POU4F1: variants seen among roughly 807,000 people sequenced by gnomAD.
POU4F1 encodes POU class 4 homeobox 1.
POU4F1 carries 5 observed loss-of-function variants against 19.8 expected under a neutral mutation model. The ratio of observed to expected loss-of-function variants is 0.25; its 90% CI spans 0.13 to 0.53. The LOEUF (loss-of-function observed/expected upper bound fraction) is 0.53. Ranked by LOEUF, POU4F1 falls within the 20% of genes least tolerant of loss-of-function variation. POU4F1 has a pLI of 0.96. For synonymous variants in POU4F1, 266 were observed against 247.7 expected (o/e 1.07, Z -0.69); for missense variants, 408 against 511.6 (o/e 0.80, Z 1.95).
intron 1 of POU4F1, 77 bp downstream of exon 1, chr13:78,603,127 C>G: frequency 8.4e-7 from 1 of 1,189,202 alleles, no homozygotes. Context: ...CTGCACACAC[C>G]AGCCCCCGAC....
rs760276098 is a variant in POU4F1 at position 78,601,642 on chromosome 13, T to G, written c.1033A>C (p.Asn345His). ...EAEGAQREKM[N>H]KPELFNGGEK... is the part of the protein sequence containing the mutation. ...CCGCCGTTGAAGAGCTCAGGCTTGT[T>G]CATTTTCTCGCGCTGGGCGCCCTCG... is the stretch of plus-strand genomic sequence containing the variant. The change falls in exon 2 of 2, where the codon AAC becomes CAC. Residue 345 changes from asparagine to histidine, a missense_variant. Coordinates refer to ENST00000377208, the MANE Select transcript of POU4F1 (RefSeq NM_006237.4). The G allele has an allele frequency of 6.2e-7, 1 of 1,613,854 alleles. No homozygotes were observed. Among genetic ancestry groups the G allele is most frequent in the Non-Finnish European group, 8.5e-7 (1 of 1,179,968 alleles).
Position 78,601,431 on chromosome 13 carries a change from A to G in POU4F1, c.1244T>C (p.Phe415Ser). 1 of 1,613,492 alleles carries G rather than the reference A, an allele frequency of 6.2e-7. No individual in the cohort carries two copies. The highest frequency in any genetic ancestry group is 8.5e-7 in the Non-Finnish European group (1 of 1,179,988). The stretch of plus-strand genomic sequence containing the variant: ...CCAGCCCCCTCAGTAAGTGGCAGAG[A>G]ATTTCATCCGCTTCTGCTTCTGTCT... ...NQRQKQKRMK[F>S]SATY is the part of the protein sequence containing the mutation. The change falls in exon 2 of 2, where the codon TTC becomes TCC. Residue 415 changes from phenylalanine (F) to serine (S), a missense_variant. By Grantham distance (155) the Phe-to-Ser change is radical. Around this residue, in one of 4 missense-constraint regions of POU4F1, gnomAD observed 35 missense variants for 85.9 expected, o/e 0.41. Transcript: ENST00000377208.
Position 78,602,173 on chromosome 13 carries a change from CGCCGCCTCCCCCGGG to C in POU4F1, c.487_501del (p.Pro163_Gly167del). The C allele has an allele frequency of 8.7e-6, 1 of 114,628 alleles. No homozygotes were observed. Among genetic ancestry groups the C allele is most frequent in the Non-Finnish European group, 1.4e-5 (1 of 69,552 alleles). 7.1% of individuals were successfully genotyped at this position (114,628 alleles called of 1,614,324 possible). A position where few individuals can be genotyped will look rare whatever the true frequency, so the allele number is the denominator to read the frequency against. On this transcript the variant is annotated inframe_deletion, in exon 2 of 2. Transcript: ENST00000377208. Reference sequence around the variant, plus strand: ...CCGCCGCCGCCCCCCGGGCCGCCACCGCCGCCTCCCCCGGGGCCGCCGCCCGGGCCGCCGCCGCCG... The same window carrying C: ...CCGCCGCCGCCCCCCGGGCCGCCACCGCCGCCGCCCGGGCCGCCGCCGCCG...
chr13:78,601,150 C>T lies in POU4F1; in HGVS notation c.*265G>A, dbSNP rs573352492. The T allele has an allele frequency of 5.1e-5, 15 of 296,626 alleles. No individual in the cohort carries two copies. The Admixed American group carries it at 7.2e-4, about 14-fold the overall frequency. The allele number at this position is 296,626 out of a possible 1,614,324, so 18.4% of individuals were successfully genotyped here. On this transcript the variant is annotated 3_prime_UTR_variant, in exon 2 of 2. Coordinates refer to ENST00000377208, the MANE Select transcript of POU4F1 (RefSeq NM_006237.4). ...CTCGGGTCTCCGCTTTCCTTCCCCC[C>T]ACTCCCCACTCCCCCGAATGCTCCC... is the stretch of plus-strand genomic sequence containing the variant.
At position 78,598,878 on chromosome 13, in the gene POU4F1, A is replaced by C. The variant is rs1334598285; in HGVS notation, c.*2537T>G. 6.6e-6 allele frequency: 1 copy of C among 152,180 alleles called. No homozygotes were observed. The highest frequency in any genetic ancestry group is 1.5e-5 in the Non-Finnish European group (1 of 68,020). The allele number at this position is 152,180 out of a possible 1,614,324, so 9.4% of individuals were successfully genotyped here. ...TATTTATTGGTTTTCACCACTCTGG[A>C]TCAAGTGCTGTGGTTTAAGAGTTTC... On this transcript the variant is annotated 3_prime_UTR_variant, in exon 2 of 2. Transcript: ENST00000377208.
At chr13:78,603,178 CG>C in intron 1 of POU4F1, 25 bp downstream of exon 1, 2 of 1,389,234 alleles carry the variant, frequency 1.4e-6, no homozygotes, top group Non-Finnish European at 9.4e-7. Flanking sequence ...GCGCGCGGGC[CG>C]GGGCCGCGGG....
chr13:78,602,061 G>A lies in POU4F1; in HGVS notation c.614C>T (p.Ala205Val), dbSNP rs1327785720. ...SLGHLSHPAA[A>V]AAMNMPSGLP... ...CCCGGACGGCATGTTCATGGCGGCC[G>A]CCGCCGCGGGGTGCGACAGGTGGCC... Residue 205 changes from alanine (A) to valine (V), a missense_variant, in exon 2 of 2, where the codon GCG (alanine) becomes GTG (valine). By Grantham distance (64) the Ala-to-Val change is moderately conservative. This residue lies in a region of POU4F1 where 294 missense variants were observed against 288.2 expected (regional missense o/e 1.02). Coordinates refer to ENST00000377208, the MANE Select transcript of POU4F1 (RefSeq NM_006237.4). 7.0e-6 allele frequency: 3 copies of A among 429,386 alleles called. No homozygotes were observed. Among genetic ancestry groups the A allele is most frequent in the South Asian group, 8.8e-5 (1 of 11,352 alleles). 26.6% of individuals were successfully genotyped at this position (429,386 alleles called of 1,614,324 possible).
chr13:78,602,695 C>T lies in POU4F1; in HGVS notation c.124-144G>A, dbSNP rs1423804266. The T allele has an allele frequency of 7.1e-5, 67 of 939,884 alleles. No individual in the cohort carries two copies. The East Asian group carries it at 2.2e-3, about 31-fold the overall frequency. The allele number at this position is 939,884 out of a possible 1,614,324, so 58.2% of individuals were successfully genotyped here. On this transcript the variant is annotated intron_variant, in intron 1 of 1. Transcript: ENST00000377208. ...ACCAAAATAACAACGGGTTTGGGGG[C>T]AGTGGAGAGCGGGAAAGACGGAGAG...
rs1285799868 is a variant in POU4F1, at chr13:78,602,313, G to A, written c.362C>T (p.Ser121Phe). The A allele has an allele frequency of 7.7e-7, 1 of 1,296,866 alleles. No individual in the cohort carries two copies. The highest frequency in any genetic ancestry group is 9.9e-7 in the Non-Finnish European group (1 of 1,014,848). The allele number at this position is 1,296,866 out of a possible 1,614,324, so 80.3% of individuals were successfully genotyped here. A position where few individuals can be genotyped will look rare whatever the true frequency, so the allele number is the denominator to read the frequency against. The change falls in exon 2 of 2, where the codon TCC becomes TTC. Residue 121 changes from serine (S) to phenylalanine (F), a missense_variant. By Grantham distance (155) the Ser-to-Phe change is radical. Transcript: ENST00000377208. ...LEPGDLLDHI[S>F]SPSLALMAGA... Reference sequence around the variant, plus strand: ...GGCCATGAGCGCGAGCGACGGCGAGGAGATGTGGTCCAGCAGATCGCCGGG... The same window carrying A: ...GGCCATGAGCGCGAGCGACGGCGAGAAGATGTGGTCCAGCAGATCGCCGGG...
rs1436396990 is a variant in POU4F1 at position 78,602,480 on chromosome 13, G to C, written c.195C>G (p.Asp65Glu). The change falls in exon 2 of 2, where the codon GAC becomes GAG. Residue 65 changes from aspartate to glutamate, a missense_variant. Physicochemically the swap from Asp to Glu is conservative, Grantham distance 45 (BLOSUM62 2). This residue lies in a region of POU4F1 where 294 missense variants were observed against 288.2 expected (regional missense o/e 1.02). Transcript: ENST00000377208. ...LARAEALAAV[D>E]IAVSQGKSHP... ...GGCTCTTGCCCTGGGACACGGCGATGTCCACGGCCGCCAGCGCCTCGGCCC... is the reference window on the plus strand; with the variant it reads ...GGCTCTTGCCCTGGGACACGGCGATCTCCACGGCCGCCAGCGCCTCGGCCC... 14 of 1,597,462 alleles carry C rather than the reference G, an allele frequency of 8.8e-6. No homozygotes were observed. Among genetic ancestry groups the C allele is most frequent in the African/African-American group, 1.3e-5 (1 of 74,400 alleles).
chr13:78,602,333 GC>G lies in POU4F1; in HGVS notation c.341del (p.Gly114AlafsTer95), dbSNP rs1322938009. The G allele has an allele frequency of 6.9e-7, 1 of 1,439,158 alleles. No individual in the cohort carries two copies. Among genetic ancestry groups the G allele is most frequent in the African/African-American group, 1.5e-5 (1 of 68,762 alleles). The allele number at this position is 1,439,158 out of a possible 1,614,324, so 89.1% of individuals were successfully genotyped here. On this transcript the variant is annotated frameshift_variant, in exon 2 of 2. Coordinates refer to ENST00000377208, the MANE Select transcript of POU4F1 (RefSeq NM_006237.4). LOFTEE classifies it high-confidence loss of function. The stretch of plus-strand genomic sequence containing the variant: ...GCGAGGAGATGTGGTCCAGCAGATC[GC>G]CGGGTTCGAGCGCCTGGTGGTGGTG... ...HHHHHQALEP[G>X]DLLDHISSPS...
At position 78,601,866 on chromosome 13, in the gene POU4F1, G is replaced by C. The variant is rs772053847; in HGVS notation, c.809C>G (p.Ala270Gly). The C allele has an allele frequency of 6.3e-7, 1 of 1,593,794 alleles. No individual in the cohort carries two copies. Among genetic ancestry groups the C allele is most frequent in the Non-Finnish European group, 8.5e-7 (1 of 1,174,800 alleles). ...CCGCTGCTTGAAGCGCTCCGCGAACGCCTCGAGCTCGCGCGGGTCCGTGTC... is the reference window on the plus strand; with the variant it reads ...CCGCTGCTTGAAGCGCTCCGCGAACCCCTCGAGCTCGCGCGGGTCCGTGTC... ...DSDTDPRELE[A>G]FAERFKQRRI... Residue 270 changes from alanine to glycine, a missense_variant, in exon 2 of 2, where the codon GCG becomes GGG. Ala to Gly is a moderately conservative substitution (Grantham distance 60). Transcript: ENST00000377208.
chr13:78,602,533 C>G lies in POU4F1; in HGVS notation c.142G>C (p.Ala48Pro), dbSNP rs1874754912. 5 of 1,559,064 alleles carry G rather than the reference C, an allele frequency of 3.2e-6. No individual in the cohort carries two copies. In the Admixed American group the frequency reaches 5.7e-5, roughly 18 times the overall value. Residue 48 changes from alanine to proline, a missense_variant, in exon 2 of 2, where the codon GCC becomes CCC. Ala to Pro is a conservative substitution (Grantham distance 27, BLOSUM62 -1). Transcript: ENST00000377208. ...PTPPLQSNLF[A>P]SLDETLLARA... ...GCCAGCAGCGTCTCGTCCAGGCTGG[C>G]GAAGAGGTTGCTCTGCAGCTGCAGG...
rs1204635133 is a variant in POU4F1 at position 78,598,688 on chromosome 13, T to TA, written c.*2726dup. Reference sequence around the variant, plus strand: ...AAGTCACCAAGAAATAGAGGCTCTCTAGTCACTGTGGAGCAGTAGGTGGCA... The same window carrying TA: ...AAGTCACCAAGAAATAGAGGCTCTCTAAGTCACTGTGGAGCAGTAGGTGGCA... On this transcript the variant is annotated 3_prime_UTR_variant, in exon 2 of 2. Transcript: ENST00000377208. 2 of 152,192 alleles carry TA rather than the reference T, an allele frequency of 1.3e-5. No individual in the cohort carries two copies. Among genetic ancestry groups the TA allele is most frequent in the Non-Finnish European group, 2.9e-5 (2 of 68,036 alleles). The allele number at this position is 152,192 out of a possible 1,614,324, so 9.4% of individuals were successfully genotyped here.
In POU4F1 at chr13:78,599,563, A is replaced by T. The variant is rs1392869342; in HGVS notation, c.*1852T>A. The T allele has an allele frequency of 6.6e-6, 1 of 152,648 alleles. No homozygotes were observed. Among genetic ancestry groups the T allele is most frequent in the East Asian group, 1.9e-4 (1 of 5,202 alleles). 9.5% of individuals were successfully genotyped at this position (152,648 alleles called of 1,614,324 possible). Reference sequence around the variant, plus strand: ...TTAGTGCTCAGTTTCAAATGCATAGAATGTTTGCCCTGCAAACAATGATAT... The same window carrying T: ...TTAGTGCTCAGTTTCAAATGCATAGTATGTTTGCCCTGCAAACAATGATAT... On this transcript the variant is annotated 3_prime_UTR_variant, in exon 2 of 2. Transcript: ENST00000377208.
chr13:78,601,962 C>T lies in POU4F1; in HGVS notation c.713G>A (p.Gly238Glu). Residue 238 changes from glycine to glutamate, a missense_variant, in exon 2 of 2, where the codon GGG (glycine) becomes GAG (glutamate). Coordinates refer to ENST00000377208, the MANE Select transcript of POU4F1 (RefSeq NM_006237.4). ...AAAAAAAAAA[G>E]QVAAASAAAA... Reference sequence around the variant, plus strand: ...CGCCGCCGATGCCGCTGCCACCTGCCCGGCCGCCGCCGCCGCCGCTGCCGC... The same window carrying T: ...CGCCGCCGATGCCGCTGCCACCTGCTCGGCCGCCGCCGCCGCCGCTGCCGC... 8.5e-7 allele frequency: 1 copy of T among 1,169,632 alleles called. No homozygotes were observed. The highest frequency in any genetic ancestry group is 4.7e-5 in the Admixed American group (1 of 21,348). The allele number at this position is 1,169,632 out of a possible 1,614,324, so 72.5% of individuals were successfully genotyped here.
chr13:78,599,438 T>C lies in POU4F1; in HGVS notation c.*1977A>G, dbSNP rs2137398929. ...TACAATAATCTTTTTTCCTTTTTCTTTGAATACAAGAATATGACAAAAATG... is the reference window on the plus strand; with the variant it reads ...TACAATAATCTTTTTTCCTTTTTCTCTGAATACAAGAATATGACAAAAATG... On this transcript the variant is annotated 3_prime_UTR_variant, in exon 2 of 2. Coordinates refer to ENST00000377208, the MANE Select transcript of POU4F1 (RefSeq NM_006237.4). 6.5e-6 allele frequency: 1 copy of C among 152,718 alleles called. No homozygotes were observed. Among genetic ancestry groups the C allele is most frequent in the African/African-American group, 2.4e-5 (1 of 41,560 alleles). 9.5% of individuals were successfully genotyped at this position (152,718 alleles called of 1,614,324 possible). A position where few individuals can be genotyped will look rare whatever the true frequency, so the allele number is the denominator to read the frequency against.
In POU4F1 at chr13:78,601,772, C is replaced by T; in HGVS notation, c.903G>A (p.Val301=). 1.9e-6 allele frequency: 3 copies of T among 1,613,524 alleles called. No homozygotes were observed. The highest frequency in any genetic ancestry group is 2.5e-6 in the Non-Finnish European group (3 of 1,179,894). ...AGATGGTGCTCTGGCTGAGTGAGCC[C>T]ACGCCCGGGATCTTGAGGTTGGCCA... ...SALANLKIPG[V]GSLSQSTICR... The change falls in exon 2 of 2, where the codon GTG becomes GTA. Residue 301 remains valine, a synonymous_variant. Transcript: ENST00000377208.
rs9601093 is a variant in POU4F1, at chr13:78,603,156, G to T, written c.123+48C>A. The T allele has an allele frequency of 1.8e-5, 23 of 1,291,408 alleles. No individual in the cohort carries two copies. The African/African-American group carries it at 3.3e-4, about 19-fold the overall frequency. The allele number at this position is 1,291,408 out of a possible 1,614,324, so 80.0% of individuals were successfully genotyped here. The stretch of plus-strand genomic sequence containing the variant: ...CCCCGACATGCAGCGTTTCGGAGAC[G>T]GGGAGGGGCGGGCGCGCGGGCCGGG... On this transcript the variant is annotated intron_variant, in intron 1 of 1. Coordinates refer to ENST00000377208, the MANE Select transcript of POU4F1 (RefSeq NM_006237.4).
Sources: gnomAD v4.1 joint callset for allele counts on GRCh38, gnomAD v4.1.1 for gene constraint, gnomAD v4.1.1 regional missense constraint, MANE v1.5 for transcripts, NCBI Gene and HGNC (gene_info 2026-07-23, HGNC 2026-07-21) for gene names.